Variants in CRPPA observed in about 807,000 individuals in gnomAD.
CRPPA encodes the protein CDP-L-ribitol pyrophosphorylase A.
A neutral mutation model predicts 52.0 loss-of-function variants in CRPPA; 43 were observed. The observed-to-expected ratio is 0.83, with a 90% CI of 0.65 to 1.07. The LOEUF is 1.07. Among genes scored for constraint, CRPPA ranks in the 50% least tolerant of loss-of-function variants. The probability of loss-of-function intolerance (pLI) is 0.00; values close to 1 mark genes in which losing one functional copy is unlikely to be tolerated. For missense variants in CRPPA, 629 were observed against 551.7 expected (o/e 1.14, Z -1.40); for synonymous variants, 250 against 203.5 (o/e 1.23, Z -1.94).
At chr7:16,106,714 T>A (rs1284482275) in intron 9 of CRPPA, among the ~76,000 whole-genome samples, 1 of 152,126 alleles carries the variant, frequency 6.6e-6, no homozygotes, top group East Asian at 1.9e-4. Context: ...TGCAAAGACA[T>A]AATAATTTAA....
intron 8 of CRPPA, among the ~76,000 whole-genome samples, chr7:16,239,255 A>T (rs1229426654): frequency 6.6e-6 from 1 of 151,810 alleles, no homozygotes; most frequent in Non-Finnish European, 1.5e-5. Context: ...GTTAAGAGAC[A>T]CTTGTTATTT....
intron 8 of CRPPA, among the ~76,000 whole-genome samples, chr7:16,248,643 A>C (rs779469987): frequency 2.0e-5 from 3 of 152,194 alleles, no homozygotes; most frequent in Non-Finnish European, 4.4e-5. Flanking sequence ...TCCCAGCAAG[A>C]TCCACGCGGA....
At chr7:16,371,312 A>AGAT (rs1369047005) in intron 3 of CRPPA, among the ~76,000 whole-genome samples, 1 of 152,160 alleles carries the variant, frequency 6.6e-6, no homozygotes, top group Non-Finnish European at 1.5e-5. Context: ...CAACAGAATG[A>AGAT]GATAAGCTTC....
At position 16,272,441 on chromosome 7, in the gene CRPPA, C is replaced by A. The variant is rs189128178; in HGVS notation, c.933+5688G>T. 1.7e-3 allele frequency among the ~76,000 whole-genome samples: 254 copies of A among 152,260 alleles called. 1 individual carries two copies. The highest frequency in any genetic ancestry group is 5.8e-3 in the African/African-American group (243 of 41,558). ...TTTCTTTTCATGTTAACAAAACAAT[C>A]CTCCCATTATGTGTTGAGCAGCTCC... On this transcript the variant is annotated intron_variant, in intron 6 of 9. Coordinates refer to ENST00000407010, the MANE Select transcript of CRPPA (RefSeq NM_001101426.4).
intron 6 of CRPPA, among the ~76,000 whole-genome samples, chr7:16,272,051 A>G (rs1784101405): frequency 6.6e-6 from 1 of 152,216 alleles, no homozygotes; most frequent in Admixed American, 6.5e-5. Flanking sequence ...AAGAAGTGAG[A>G]GAGGTCCCTT....
At chr7:16,093,232 T>G (rs1032493073) in intron 9 of CRPPA, among the ~76,000 whole-genome samples, 1 of 152,074 alleles carries the variant, frequency 6.6e-6, no homozygotes, top group African/African-American at 2.4e-5. Context: ...TAGCACTCCA[T>G]AAATTATAAC....
At chr7:16,190,899 A>G (rs1766950679) in intron 9 of CRPPA, among the ~76,000 whole-genome samples, 1 of 152,088 alleles carries the variant, frequency 6.6e-6, no homozygotes, top group African/African-American at 2.4e-5. Flanking sequence ...TTCACATAGA[A>G]TAATAGTCTC....
At chr7:16,115,577 C>T (rs1309659095) in intron 9 of CRPPA, among the ~76,000 whole-genome samples, 1 of 152,126 alleles carries the variant, frequency 6.6e-6, no homozygotes, top group Admixed American at 6.5e-5. Flanking sequence ...ACCCTTAGTG[C>T]TCAGGATCTT....
At position 16,399,479 on chromosome 7, in the gene CRPPA, T is replaced by G. The variant is rs1053214871; in HGVS notation, c.534+6582A>C. Among the ~76,000 whole-genome samples, 6 of 148,624 alleles carry G rather than the reference T, an allele frequency of 4.0e-5. No individual in the cohort carries two copies. The East Asian group carries it at 1.2e-3, about 30-fold the overall frequency. Reference sequence around the variant, plus strand: ...GACTGATACGAGATTGACAAGACGTTTGATCAACACATGTGACTCGTGACC... The same window carrying G: ...GACTGATACGAGATTGACAAGACGTGTGATCAACACATGTGACTCGTGACC... On this transcript the variant is annotated intron_variant, in intron 2 of 9. Coordinates refer to ENST00000407010, the MANE Select transcript of CRPPA (RefSeq NM_001101426.4).
chr7:16,339,224 A>G (rs971842368), intron 3 of CRPPA, among the ~76,000 whole-genome samples: 1 of 152,114 alleles, frequency 6.6e-6, no homozygotes, highest in Non-Finnish European at 1.5e-5. Context: ...AATTCCAAAA[A>G]CAAAAAAAGA....
intron 9 of CRPPA, among the ~76,000 whole-genome samples, chr7:16,160,382 A>G (rs931454399): frequency 6.6e-6 from 1 of 152,218 alleles, no homozygotes; most frequent in African/African-American, 2.4e-5. Flanking sequence ...AGTTTTCTGC[A>G]TATGGCTAGC....
chr7:16,357,927 C>T (rs1293859473), intron 3 of CRPPA, among the ~76,000 whole-genome samples: 1 of 152,136 alleles, frequency 6.6e-6, no homozygotes, highest in East Asian at 1.9e-4. Context: ...TGTCAGAAAC[C>T]GCAAATGCCT....
chr7:16,421,022 G>A, intron 1 of CRPPA, 44 bp downstream of exon 1: 1 of 1,262,758 alleles, frequency 7.9e-7, no homozygotes. Flanking sequence ...GGAGCGGGAG[G>A]CCGGGCCCCA....
chr7:16,157,552 CTAGT>C (rs1201910764), intron 9 of CRPPA, among the ~76,000 whole-genome samples: 1 of 151,872 alleles, frequency 6.6e-6, no homozygotes, highest in African/African-American at 2.4e-5. Context: ...AATAAATCAG[CTAGT>C]ATTTTTTTAA....
chr7:16,400,104 G>C (rs1375112315), intron 2 of CRPPA, among the ~76,000 whole-genome samples: 1 of 152,104 alleles, frequency 6.6e-6, no homozygotes, highest in African/African-American at 2.4e-5. Flanking sequence ...CGTGACTGGA[G>C]TGTGATACAT....
chr7:16,095,105 T>C (rs1055504158), intron 9 of CRPPA, among the ~76,000 whole-genome samples: 12 of 152,202 alleles, frequency 7.9e-5, no homozygotes, highest in Non-Finnish European at 1.6e-4. Flanking sequence ...TCTGAATTTG[T>C]CTGTATATCT....
intron 2 of CRPPA, among the ~76,000 whole-genome samples, chr7:16,394,218 C>A (rs1464224314): frequency 6.6e-6 from 1 of 152,008 alleles, no homozygotes; most frequent in Non-Finnish European, 1.5e-5. Context: ...ATGTTTACAT[C>A]AGCAAAAAAT....
intron 2 of CRPPA, among the ~76,000 whole-genome samples, chr7:16,397,150 A>G (rs752281494): frequency 5.9e-5 from 9 of 152,270 alleles, no homozygotes; most frequent in Non-Finnish European, 1.2e-4. Context: ...CGTGTCTGAC[A>G]CATTAGCAAA....
intron 9 of CRPPA, among the ~76,000 whole-genome samples, chr7:16,094,179 G>A (rs957265556): frequency 7.9e-5 from 12 of 152,004 alleles, no homozygotes; most frequent in African/African-American, 2.9e-4. Flanking sequence ...TTTTTTACAG[G>A]CTTCATTTTC....
Sources: allele counts gnomAD v4.1 joint callset (sites outside exome capture counted in the v4.1 genomes callset), GRCh38; gene constraint gnomAD v4.1.1; transcripts MANE v1.5; gene names NCBI Gene and HGNC (gene_info 2026-07-23, HGNC 2026-07-21).